Variants in SF3B1 observed in about 807,000 individuals in gnomAD.
SF3B1 encodes the protein pre-mRNA processing 10.
In SF3B1, 12 loss-of-function variants were observed where a neutral mutation model predicts 153.8. The ratio of observed to expected loss-of-function variants is 0.08; its 90% confidence interval spans 0.05 to 0.13. The LOEUF (loss-of-function observed/expected upper bound fraction) is 0.13. Among genes scored for constraint, SF3B1 ranks in the 10% least tolerant of loss-of-function variants. The pLI is 1.00. For synonymous variants in SF3B1, 498 were observed against 525.2 expected (o/e 0.95, Z 0.71); for missense variants, 513 against 1,606.1 (o/e 0.32, Z 11.63).
intron 6 of SF3B1, among the ~76,000 whole-genome samples, chr2:197,415,645 A>C (rs992025622): frequency 1.3e-5 from 2 of 152,216 alleles, no homozygotes; most frequent in East Asian, 3.8e-4. Context: ...TGACAAACAT[A>C]ATAAAGGCAC....
chr2:197,417,071 G>A (rs999625541), intron 5 of SF3B1, among the ~76,000 whole-genome samples, 160 bp from the exon 6 acceptor site: 2 of 152,138 alleles, frequency 1.3e-5, no homozygotes, highest in Non-Finnish European at 2.9e-5. Flanking sequence ...CATAGTCTGT[G>A]CGTCTTTATT....
rs1221123424 is a variant in SF3B1 at position 197,423,977 on chromosome 2, A to G, written c.29-3T>C. 1.9e-6 allele frequency: 3 copies of G among 1,602,822 alleles called. No individual in the cohort carries two copies. Among genetic ancestry groups the G allele is most frequent in the South Asian group, 2.3e-5 (2 of 88,024 alleles). ...TTCTCGAATCTGTGCTTCAATATCT[A>G]TAAAAAGATAACACAGACTTTCTTA... On this transcript the variant is annotated splice_polypyrimidine_tract_variant and splice_region_variant and intron_variant, in intron 1 of 24. Transcript: ENST00000335508.
Position 197,401,022 on chromosome 2 carries a change from A to G in SF3B1, c.2497-86T>C, listed in dbSNP as rs144474848. ...ATCATGAAAACCAAATACTCTAAATATACTACTTATTTAGCTAATAAACAT... is the reference window on the plus strand; with the variant it reads ...ATCATGAAAACCAAATACTCTAAATGTACTACTTATTTAGCTAATAAACAT... On this transcript the variant is annotated intron_variant, in intron 17 of 24. Coordinates refer to ENST00000335508, the MANE Select transcript of SF3B1 (RefSeq NM_012433.4). The surrounding 1 kb of genome is among the most constrained non-coding windows in gnomAD (Gnocchi z 4.2). The G allele has an allele frequency of 7.4e-4, 550 of 747,222 alleles. 2 individuals carry two copies. The African/African-American group carries it at 8.4e-3, about 11-fold the overall frequency. The allele number at this position is 747,222 out of a possible 1,614,324, so 46.3% of individuals were successfully genotyped here. A position where few individuals can be genotyped will look rare whatever the true frequency, so the allele number is the denominator to read the frequency against.
intron 8 of SF3B1, 34 bp from the exon 9 acceptor site, chr2:197,408,153 A>C: frequency 6.5e-7 from 1 of 1,548,412 alleles, no homozygotes; most frequent in East Asian, 2.2e-5. Flanking sequence ...TATAATCTAT[A>C]GTACAAGACT....
chr2:197,411,694 G>A (rs1199769352), intron 6 of SF3B1, among the ~76,000 whole-genome samples: 3 of 150,240 alleles, frequency 2.0e-5, no homozygotes. Flanking sequence ...AAAAAAAGTT[G>A]GGAAAGTTGG....
rs943214832 is a variant in SF3B1, at chr2:197,402,282, G to C, written c.2078-152C>G. The C allele has an allele frequency of 8.4e-6, 7 of 832,384 alleles. No homozygotes were observed. The highest frequency in any genetic ancestry group is 1.3e-5 in the Non-Finnish European group (7 of 543,574). The allele number at this position is 832,384 out of a possible 1,614,324, so 51.6% of individuals were successfully genotyped here. ...AGGTAAAAGCAAAACATGAACCATA[G>C]CCTGTCAGCAGATAATATAACAAAC... On this transcript the variant is annotated intron_variant, in intron 14 of 24. Coordinates refer to ENST00000335508, the MANE Select transcript of SF3B1 (RefSeq NM_012433.4). The surrounding 1 kb of genome is among the most constrained non-coding windows in gnomAD (Gnocchi z 4.6).
intron 1 of SF3B1, among the ~76,000 whole-genome samples, chr2:197,428,697 C>T (rs1401924461): frequency 2.6e-5 from 4 of 152,172 alleles, no homozygotes; most frequent in Middle Eastern, 3.4e-3. Context: ...AGTTCAAAGC[C>T]GGCCTGGCCA....
intron 1 of SF3B1, among the ~76,000 whole-genome samples, chr2:197,430,271 T>C (rs1338444364): frequency 6.6e-6 from 1 of 152,192 alleles, no homozygotes; most frequent in Non-Finnish European, 1.5e-5. Context: ...TCTTTTTAAG[T>C]CCCTACACAG....
intron 1 of SF3B1, among the ~76,000 whole-genome samples, chr2:197,430,291 C>G (rs1324302152): frequency 6.6e-6 from 1 of 152,086 alleles, no homozygotes; most frequent in East Asian, 1.9e-4. Flanking sequence ...GAAATACATA[C>G]TGAAATATTT....
At position 197,396,371 on chromosome 2, in the gene SF3B1, C is replaced by A. The variant is rs2105977793; in HGVS notation, c.3267-43G>T. The A allele has an allele frequency of 2.6e-6, 4 of 1,517,284 alleles. No individual in the cohort carries two copies. The South Asian group carries it at 5.2e-5, about 20-fold the overall frequency. The allele number at this position is 1,517,284 out of a possible 1,614,324, so 94.0% of individuals were successfully genotyped here. ...GTCAACAAGCTGTTACATTATAAGT[C>A]AAAAATTTATGGAAGAAAAAAATGC... On this transcript the variant is annotated intron_variant, in intron 22 of 24. Transcript: ENST00000335508.
At chr2:197,419,407 A>G in intron 4 of SF3B1, 1 of 226,778 alleles carries the variant, frequency 4.4e-6, no homozygotes, top group Middle Eastern at 1.4e-3. Context: ...GAGGCACACT[A>G]TGCTTTAGAA....
rs1360732645 is a variant in SF3B1, at chr2:197,400,466, C to T, written c.2719-32G>A. 3.2e-6 allele frequency: 5 copies of T among 1,559,572 alleles called. No individual in the cohort carries two copies. Among genetic ancestry groups the T allele is most frequent in the Non-Finnish European group, 4.4e-6 (5 of 1,148,638 alleles). ...AATAAATTTAAAAAAAAGACATATTCATTTGGTTTATGACTGCACAGTTGA... is the reference window on the plus strand; with the variant it reads ...AATAAATTTAAAAAAAAGACATATTTATTTGGTTTATGACTGCACAGTTGA... On this transcript the variant is annotated intron_variant, in intron 18 of 24. Transcript: ENST00000335508. The surrounding 1 kb of genome is among the most constrained non-coding windows in gnomAD (Gnocchi z 5.0).
chr2:197,432,815 G>C (rs185039825), intron 1 of SF3B1, among the ~76,000 whole-genome samples: 1 of 151,968 alleles, frequency 6.6e-6, no homozygotes, highest in Non-Finnish European at 1.5e-5. Flanking sequence ...GCTGTGAGCC[G>C]AGATTGCACC....
chr2:197,405,937 G>A (rs2084986402), intron 9 of SF3B1, among the ~76,000 whole-genome samples: 1 of 152,004 alleles, frequency 6.6e-6, no homozygotes, highest in Admixed American at 6.6e-5. Context: ...TCTTTTAAGT[G>A]TAAAACTCTA....
chr2:197,406,561 G>A (rs1343186510), intron 9 of SF3B1, among the ~76,000 whole-genome samples: 1 of 152,140 alleles, frequency 6.6e-6, no homozygotes, highest in African/African-American at 2.4e-5. Flanking sequence ...ATATTCACTA[G>A]TAAGGACGTT....
chr2:197,425,764 C>T (rs993751975), intron 1 of SF3B1, among the ~76,000 whole-genome samples: 2 of 151,758 alleles, frequency 1.3e-5, no homozygotes, highest in African/African-American at 4.8e-5. Context: ...CTTTGGAAGG[C>T]TGAGGTGGGC....
chr2:197,418,232 T>C (rs2085182278), intron 5 of SF3B1, among the ~76,000 whole-genome samples: 1 of 6,584 alleles, frequency 1.5e-4, no homozygotes, highest in South Asian at 7.0e-3. Context: ...TGAGACTGTG[T>C]CCAAAAAAAA....
intron 7 of SF3B1, 90 bp downstream of exon 7, chr2:197,409,680 G>C: frequency 1.0e-6 from 1 of 990,818 alleles, no homozygotes; most frequent in Admixed American, 1.9e-5. Flanking sequence ...TTATTTATAC[G>C]TGTCCACCCA....
intron 23 of SF3B1, among the ~76,000 whole-genome samples, chr2:197,393,812 T>C (rs940663854): frequency 3.3e-5 from 5 of 152,202 alleles, no homozygotes; most frequent in African/African-American, 1.2e-4. Flanking sequence ...GGCTTTATTA[T>C]GCTACTAAAG....
Sources: gnomAD v4.1 joint callset for allele counts (sites outside exome capture counted in the v4.1 genomes callset) on GRCh38, gnomAD v4.1.1 for gene constraint, Gnocchi (gnomAD v3.1) non-coding constraint, MANE v1.5 for transcripts, NCBI Gene and HGNC (gene_info 2026-07-23, HGNC 2026-07-21) for gene names.